SULT1E1: variants seen among roughly 807,000 people sequenced by gnomAD.
SULT1E1 encodes sulfotransferase family 1E member 1.
SULT1E1 carries 36 observed loss-of-function variants against 33.6 expected under a neutral mutation model. The observed-to-expected ratio is 1.07, with a 90% CI of 0.82 to 1.41. SULT1E1 has a LOEUF of 1.41. Ranked by LOEUF, SULT1E1 falls within the 40% of genes most tolerant of loss-of-function variation. SULT1E1 has a pLI of 0.00. For synonymous variants in SULT1E1, 121 were observed against 111.7 expected (o/e 1.08, Z -0.53); for missense variants, 371 against 345.7 (o/e 1.07, Z -0.58).
intron 7 of SULT1E1, 129 bp downstream of exon 7, chr4:69,844,032 A>G (rs769498763): frequency 4.7e-5 from 37 of 782,804 alleles, no homozygotes; most frequent in South Asian, 9.2e-5. Flanking sequence ...AGTGTATTCA[A>G]ATATGAAAGA....
chr4:69,833,568 T>G, the SULT1E1 span, among the ~76,000 whole-genome samples: 2 of 152,328 alleles, frequency 1.3e-5, no homozygotes, highest in African/African-American at 4.8e-5. Context: ...AAGAGGTAAG[T>G]TGAGAAGCTT....
rs1720894771 is a variant in SULT1E1 at position 69,842,015 on chromosome 4, CA to C, written c.863del (p.Leu288ArgfsTer35). 6.2e-7 allele frequency: 1 copy of C among 1,606,484 alleles called. No homozygotes were observed. Reference sequence around the variant, plus strand: ...CTTCTTAGATCTCAGTTCGAAACTTCAGTGTAGATTCCTTCATTTGCTGCTC... The same window carrying C: ...CTTCTTAGATCTCAGTTCGAAACTTCGTGTAGATTCCTTCATTTGCTGCTC... ...HYEQQMKEST[L>X]KFRTEI On this transcript the variant is annotated frameshift_variant, in exon 8 of 8. Coordinates refer to ENST00000226444, the MANE Select transcript of SULT1E1 (RefSeq NM_005420.3). LOFTEE classifies it high-confidence loss of function.
chr4:69,825,266 C>T, the SULT1E1 span, among the ~76,000 whole-genome samples: 34,461 of 152,034 alleles, frequency 0.23, 4,655 homozygotes, highest in Non-Finnish European at 0.31. Flanking sequence ...AAAGAAATTC[C>T]GGGCACATCT....
the SULT1E1 span, among the ~76,000 whole-genome samples, chr4:69,825,531 C>A: frequency 3.3e-5 from 5 of 152,280 alleles, no homozygotes; most frequent in East Asian, 9.7e-4. Flanking sequence ...TTAAAAGCAA[C>A]TAGCATGCCT....
intron 7 of SULT1E1, among the ~76,000 whole-genome samples, chr4:69,843,444 G>A (rs1021575299): frequency 6.6e-6 from 1 of 152,066 alleles, no homozygotes; most frequent in Non-Finnish European, 1.5e-5. Context: ...TTTTTCCCCA[G>A]TGGCAGGTTT....
At chr4:69,858,674 A>G (rs148930733) in intron 1 of SULT1E1, among the ~76,000 whole-genome samples, 2 of 152,094 alleles carry the variant, frequency 1.3e-5, no homozygotes, top group African/African-American at 4.8e-5. Flanking sequence ...CCTCTACATC[A>G]TATCAGATGT....
At chr4:69,858,440 C>A (rs1721296053) in intron 1 of SULT1E1, among the ~76,000 whole-genome samples, 1 of 152,078 alleles carries the variant, frequency 6.6e-6, no homozygotes, top group Non-Finnish European at 1.5e-5. Flanking sequence ...GGCATACTTT[C>A]TTTCATTAGC....
chr4:69,828,402 A>G, the SULT1E1 span, among the ~76,000 whole-genome samples: 1 of 152,190 alleles, frequency 6.6e-6, no homozygotes, highest in Non-Finnish European at 1.5e-5. Flanking sequence ...TGAACCCACC[A>G]GGAGGAACAA....
chr4:69,832,239 C>T, the SULT1E1 span, among the ~76,000 whole-genome samples: 1 of 152,180 alleles, frequency 6.6e-6, no homozygotes, highest in Non-Finnish European at 1.5e-5. Context: ...GCAGGAGAGC[C>T]GATCTCCCCT....
intron 2 of SULT1E1, among the ~76,000 whole-genome samples, chr4:69,857,178 G>A (rs1370887964): frequency 1.3e-5 from 2 of 152,210 alleles, no homozygotes; most frequent in African/African-American, 2.4e-5. Flanking sequence ...GTGGTCATAC[G>A]CTGTATATAC....
chr4:69,839,021 G>A (rs1057050836), downstream of SULT1E1, among the ~76,000 whole-genome samples: 1 of 152,154 alleles, frequency 6.6e-6, no homozygotes, highest in Non-Finnish European at 1.5e-5. Flanking sequence ...GTCAGGCATA[G>A]TCTCATACTA....
intron 6 of SULT1E1, among the ~76,000 whole-genome samples, chr4:69,846,305 C>CAAAAAAAAAAAAAAAAAAAAAAAAAAA (rs34408656): frequency 9.3e-6 from 1 of 107,038 alleles, no homozygotes; most frequent in Non-Finnish European, 1.9e-5. Flanking sequence ...ACAAAACAAT[C>CAAAAAAAAAAAAAAAAAAAAAAAAAAA]AAAAAAAAAA....
the SULT1E1 span, among the ~76,000 whole-genome samples, chr4:69,822,542 G>A: frequency 6.6e-6 from 1 of 152,142 alleles, no homozygotes; most frequent in African/African-American, 2.4e-5. Context: ...TTTGAGCGTA[G>A]AAGTTTCAGG....
intron 3 of SULT1E1, among the ~76,000 whole-genome samples, chr4:69,854,997 A>G (rs1721206926): frequency 6.6e-6 from 1 of 151,918 alleles, no homozygotes; most frequent in African/African-American, 2.4e-5. Context: ...ATTTATGGGT[A>G]TTTTTCTCCA....
intron 6 of SULT1E1, among the ~76,000 whole-genome samples, chr4:69,845,533 G>GTA (rs1001089213): frequency 1.1e-4 from 17 of 150,374 alleles, no homozygotes; most frequent in South Asian, 4.2e-4. Flanking sequence ...ACATGTATGT[G>GTA]TATATATATA....
At chr4:69,854,080 G>C in intron 4 of SULT1E1, 137 bp downstream of exon 4, 1 of 524,168 alleles carries the variant, frequency 1.9e-6, no homozygotes, top group Non-Finnish European at 3.2e-6. Context: ...TGACAATATT[G>C]ACTGTATTTA....
downstream of SULT1E1, among the ~76,000 whole-genome samples, chr4:69,839,545 CCTTTAAA>C (rs568663633): frequency 2.1e-4 from 32 of 152,206 alleles, 1 homozygote; most frequent in East Asian, 6.2e-3. Flanking sequence ...AGTCCATAAA[CCTTTAAA>C]AAGTATTTCT....
the SULT1E1 span, among the ~76,000 whole-genome samples, chr4:69,825,215 G>A: frequency 2.0e-5 from 3 of 151,996 alleles, no homozygotes; most frequent in Non-Finnish European, 4.4e-5. Flanking sequence ...GCAGGTCTCT[G>A]GCTTCACTCC....
downstream of SULT1E1, among the ~76,000 whole-genome samples, chr4:69,839,946 T>C (rs978691025): frequency 1.3e-5 from 2 of 152,244 alleles, no homozygotes; most frequent in African/African-American, 2.4e-5. Flanking sequence ...ATGTCAGAAA[T>C]ATACGTAGGT....
Sources: gnomAD v4.1 joint callset for allele counts (sites outside exome capture counted in the v4.1 genomes callset) on GRCh38, gnomAD v4.1.1 for gene constraint, MANE v1.5 for transcripts, NCBI Gene and HGNC (gene_info 2026-07-23, HGNC 2026-07-21) for gene names.